The following PPFIA2 variants were observed in gnomAD, a reference collection of about 807,000 sequenced individuals.
PPFIA2 encodes the protein liprin-alpha-2.
PPFIA2 carries 46 observed loss-of-function variants against 175.5 expected under a neutral mutation model. The observed-to-expected ratio is 0.26, with a 90% confidence interval of 0.21 to 0.34. The LOEUF (loss-of-function observed/expected upper bound fraction) is 0.34, where lower values mean the gene tolerates loss of function less well. Among genes scored for constraint, PPFIA2 ranks in the 10% least tolerant of loss-of-function variants. PPFIA2 has a pLI of 1.00. For missense variants in PPFIA2, 1,179 were observed against 1,506.1 expected, an observed-to-expected ratio of 0.78 and a Z score of 3.60; for synonymous variants, 568 against 511.4, an observed-to-expected ratio of 1.11 and a Z score of -1.49.
chr12:81,712,602 A>T (rs565823390), intron 3 of PPFIA2, among the ~76,000 whole-genome samples: 2 of 151,340 alleles, frequency 1.3e-5, no homozygotes, highest in Admixed American at 6.8e-5. Flanking sequence ...GTTTTTAGTC[A>T]TGACTAATGA....
chr12:81,549,329 G>A (rs2067504234), intron 4 of PPFIA2, among the ~76,000 whole-genome samples: 1 of 151,824 alleles, frequency 6.6e-6, no homozygotes, highest in Non-Finnish European at 1.5e-5. Flanking sequence ...TTGATTAGAA[G>A]ATAATTAATG....
chr12:81,466,847 C>T (rs1168298349), intron 4 of PPFIA2, among the ~76,000 whole-genome samples: 1 of 146,466 alleles, frequency 6.8e-6, no homozygotes, highest in Non-Finnish European at 1.5e-5. Context: ...GCCCATTCAT[C>T]TATTAAAAAA....
At chr12:81,489,227 A>G (rs2059167123) in intron 4 of PPFIA2, among the ~76,000 whole-genome samples, 1 of 151,834 alleles carries the variant, frequency 6.6e-6, no homozygotes, top group African/African-American at 2.4e-5. Flanking sequence ...TCAGTATTCT[A>G]ATATCTATTT....
intron 4 of PPFIA2, among the ~76,000 whole-genome samples, chr12:81,654,541 T>C (rs1401206899): frequency 2.6e-5 from 4 of 152,108 alleles, no homozygotes; most frequent in African/African-American, 7.2e-5. Flanking sequence ...AATGAGTATA[T>C]AGACCTAGCA....
chr12:81,701,760 T>C (rs193202442), intron 3 of PPFIA2, among the ~76,000 whole-genome samples: 1 of 152,058 alleles, frequency 6.6e-6, no homozygotes, highest in East Asian at 1.9e-4. Context: ...TTGTAAAAAA[T>C]AGTAATACAG....
At chr12:81,501,708 A>C (rs1567091655) in intron 4 of PPFIA2, among the ~76,000 whole-genome samples, 2 of 152,214 alleles carry the variant, frequency 1.3e-5, no homozygotes, top group Non-Finnish European at 2.9e-5. Context: ...ATATTTACTA[A>C]AACTTTACAC....
intron 4 of PPFIA2, among the ~76,000 whole-genome samples, chr12:81,628,376 CTT>C (rs11304359): frequency 0.059 from 6,623 of 111,594 alleles, 132 homozygotes; most frequent in East Asian, 0.24. Context: ...TTTCTTTTAC[CTT>C]TTTTTTTTTT....
At chr12:81,599,399 A>C (rs76842170) in intron 4 of PPFIA2, among the ~76,000 whole-genome samples, 14,312 of 152,014 alleles carry the variant, frequency 0.094, 842 homozygotes, top group South Asian at 0.16. Flanking sequence ...GTGATCCTCA[A>C]TTCTTTAGAT....
intron 6 of PPFIA2, among the ~76,000 whole-genome samples, chr12:81,444,958 A>G (rs2145239230): frequency 6.6e-6 from 1 of 152,252 alleles, no homozygotes; most frequent in South Asian, 2.1e-4. Context: ...TATTCGAGTA[A>G]CAGCTAAGAG....
At chr12:81,564,388 A>G (rs1427098755) in intron 4 of PPFIA2, among the ~76,000 whole-genome samples, 1 of 152,174 alleles carries the variant, frequency 6.6e-6, no homozygotes, top group Non-Finnish European at 1.5e-5. Flanking sequence ...AGCATAACTG[A>G]AATAGAAGCG....
chr12:81,371,405 T>C (rs2035070545), intron 11 of PPFIA2, among the ~76,000 whole-genome samples: 2 of 151,784 alleles, frequency 1.3e-5, no homozygotes, highest in Non-Finnish European at 2.9e-5. Flanking sequence ...CATTTTAACA[T>C]GCAGTTAGTA....
At chr12:81,616,701 A>G (rs1447367712) in intron 4 of PPFIA2, among the ~76,000 whole-genome samples, 1 of 152,160 alleles carries the variant, frequency 6.6e-6, no homozygotes, top group African/African-American at 2.4e-5. Flanking sequence ...GACATTCACC[A>G]CACATTTACT....
intron 3 of PPFIA2, among the ~76,000 whole-genome samples, chr12:81,679,554 A>T (rs766562491): frequency 7.2e-5 from 11 of 151,934 alleles, no homozygotes; most frequent in Non-Finnish European, 1.6e-4. Flanking sequence ...AAAATGAGAA[A>T]GAAGAATGTA....
Position 81,445,450 on chromosome 12 carries a change from T to G in PPFIA2, c.570+106A>C, listed in dbSNP as rs1443894619. 2.8e-6 allele frequency: 3 copies of G among 1,053,636 alleles called. No homozygotes were observed. In the African/African-American group the frequency reaches 4.8e-5, roughly 17 times the overall value. 65.3% of individuals were successfully genotyped at this position (1,053,636 alleles called of 1,614,324 possible). A position where few individuals can be genotyped will look rare whatever the true frequency, so the allele number is the denominator to read the frequency against. On this transcript the variant is annotated intron_variant, in intron 6 of 32. Transcript: ENST00000549396. ...TTTTCATATAACTCAAAAGTGTTCCTCAACTGACTGACTTTAGGAGTCAGG... is the reference window on the plus strand; with the variant it reads ...TTTTCATATAACTCAAAAGTGTTCCGCAACTGACTGACTTTAGGAGTCAGG...
chr12:81,744,741 T>C (rs2082821527), intron 3 of PPFIA2, among the ~76,000 whole-genome samples: 1 of 152,170 alleles, frequency 6.6e-6, no homozygotes, highest in African/African-American at 2.4e-5. Context: ...AAATGCTTTC[T>C]ATTGTCCATG....
chr12:81,527,471 T>C (rs1462183403), intron 4 of PPFIA2, among the ~76,000 whole-genome samples: 1 of 152,018 alleles, frequency 6.6e-6, no homozygotes, highest in Non-Finnish European at 1.5e-5. Flanking sequence ...TGACTAATCT[T>C]AGCAAGGTCC....
chr12:81,279,983 G>A (rs1022619417), intron 27 of PPFIA2, among the ~76,000 whole-genome samples: 7 of 152,210 alleles, frequency 4.6e-5, no homozygotes, highest in African/African-American at 7.2e-5. Flanking sequence ...ACATAATAAT[G>A]ATCTTAAAAC....
intron 4 of PPFIA2, among the ~76,000 whole-genome samples, chr12:81,509,536 C>G (rs1303344175): frequency 1.3e-5 from 2 of 151,990 alleles, no homozygotes; most frequent in Non-Finnish European, 2.9e-5. Context: ...TCTTCTTCAC[C>G]CATATTTTCT....
In PPFIA2 at chr12:81,387,383, A is replaced by G. The variant is rs545058397; in HGVS notation, c.763-3139T>C. Reference sequence around the variant, plus strand: ...TGATATTTAGGAATGCAAATGACACATAGAGTAGAATGGACTATAGAAGAA... The same window carrying G: ...TGATATTTAGGAATGCAAATGACACGTAGAGTAGAATGGACTATAGAAGAA... On this transcript the variant is annotated intron_variant, in intron 8 of 32. Transcript: ENST00000549396. 1.1e-4 allele frequency among the ~76,000 whole-genome samples: 17 copies of G among 152,296 alleles called. No homozygotes were observed. In the South Asian group the frequency reaches 3.5e-3, roughly 32 times the overall value.
Sources: gnomAD v4.1 joint callset for allele counts (sites outside exome capture counted in the v4.1 genomes callset) on GRCh38, gnomAD v4.1.1 for gene constraint, MANE v1.5 for transcripts, NCBI Gene and HGNC (gene_info 2026-07-23, HGNC 2026-07-21) for gene names.